The following TPM1 variants were observed in gnomAD, a reference collection of about 807,000 sequenced individuals.
TPM1 encodes the protein tropomyosin alpha-1 chain.
In TPM1, 24 loss-of-function variants were observed where a neutral mutation model predicts 42.9. That is an observed-to-expected ratio of 0.56 (90% CI 0.41 to 0.79). The LOEUF (loss-of-function observed/expected upper bound fraction) is 0.79. Among genes scored for constraint, TPM1 ranks in the 30% least tolerant of loss-of-function variants. The pLI is 0.00. For missense variants in TPM1, 158 were observed against 351.8 expected (o/e 0.45, Z 4.41); for synonymous variants, 136 against 130.1 (o/e 1.05, Z -0.31).
At chr15:63,064,502 A>C in intron 9 of TPM1, 1 of 1,099,788 alleles carries the variant, frequency 9.1e-7, no homozygotes, top group Non-Finnish European at 1.1e-6. Flanking sequence ...AAAATATCAA[A>C]ATTTGTTTCC....
chr15:63,061,539 G>T, intron 5 of TPM1, 174 bp from the exon 6 acceptor site: 1 of 750,464 alleles, frequency 1.3e-6, no homozygotes, highest in African/African-American at 1.7e-5. Flanking sequence ...TTGCGAGGTT[G>T]GGGGGCAGTG....
rs561742682 is a variant in TPM1, at chr15:63,051,889, A to G, written c.241-5096A>G. Among the ~76,000 whole-genome samples, 11 of 123,262 alleles carry G rather than the reference A, an allele frequency of 8.9e-5. No individual in the cohort carries two copies. The South Asian group carries it at 3.1e-3, about 34-fold the overall frequency. The allele number at this position is 123,262 out of a possible 152,430, so 80.9% of individuals were successfully genotyped here. ...TTCATGAAAATCTAGGCCTCATAAA[A>G]GTTGTTTTTTTTTTTTTTTTTCAAA... On this transcript the variant is annotated intron_variant, in intron 2 of 9. Coordinates refer to ENST00000403994, the MANE Select transcript of TPM1 (RefSeq NM_001018005.2).
At chr15:63,060,028 T>C (rs2035398760) in intron 4 of TPM1, 1 of 320,232 alleles carries the variant, frequency 3.1e-6, no homozygotes, top group South Asian at 2.7e-5. Flanking sequence ...AAGTCATTTC[T>C]TCCCAGAGTG....
chr15:63,069,974 C>G (rs568658056), downstream of TPM1: 2 of 1,613,674 alleles, frequency 1.2e-6, no homozygotes, highest in African/African-American at 1.3e-5. Context: ...GGGCTGAATT[C>G]TAGGCGTGGA....
At chr15:63,059,083 C>G (rs1181921591) in intron 3 of TPM1, among the ~76,000 whole-genome samples, 1 of 152,090 alleles carries the variant, frequency 6.6e-6, no homozygotes. Context: ...AACATTAAGT[C>G]TAATATTTTT....
intron 2 of TPM1, among the ~76,000 whole-genome samples, chr15:63,050,009 A>C (rs144772886): frequency 1.3e-5 from 2 of 152,340 alleles, no homozygotes; most frequent in Non-Finnish European, 2.9e-5. Context: ...TCCACTACTT[A>C]CTAGCAGTGG....
At chr15:63,059,343 A>T (rs190141060) in intron 3 of TPM1, among the ~76,000 whole-genome samples, 214 of 152,340 alleles carry the variant, frequency 1.4e-3, no homozygotes, top group Non-Finnish European at 2.5e-3. Flanking sequence ...ATCAGTACTC[A>T]AAGTGAGAGA....
chr15:63,070,223 A>C (rs980791086), downstream of TPM1: 5 of 1,207,090 alleles, frequency 4.1e-6, no homozygotes, highest in African/African-American at 6.3e-5. Flanking sequence ...TGAACTGATA[A>C]ATAATGAGGA....
intron 3 of TPM1, among the ~76,000 whole-genome samples, chr15:63,059,018 G>A (rs2035220182): frequency 6.6e-6 from 1 of 152,170 alleles, no homozygotes; most frequent in Admixed American, 6.5e-5. Context: ...ATTATTACTT[G>A]TCTGAAATGG....
intron 3 of TPM1, among the ~76,000 whole-genome samples, chr15:63,057,791 A>G (rs975718410): frequency 2.0e-5 from 3 of 152,264 alleles, no homozygotes; most frequent in Non-Finnish European, 4.4e-5. Flanking sequence ...TGTGGTCTAA[A>G]AGGCATTTTC....
At chr15:63,062,847 C>T (rs2035835624) in intron 8 of TPM1, 2 of 1,527,350 alleles carry the variant, frequency 1.3e-6, no homozygotes, top group Non-Finnish European at 1.8e-6. Flanking sequence ...TAGTTAGCCA[C>T]CAGCCATAGT....
chr15:63,063,341 G>A, intron 8 of TPM1: 2 of 985,466 alleles, frequency 2.0e-6, no homozygotes, highest in Non-Finnish European at 2.4e-6. Flanking sequence ...TAGTGGAGAA[G>A]AGAGAATGAC....
chr15:63,056,839 T>C, intron 2 of TPM1, 146 bp from the exon 3 acceptor site: 1 of 1,039,942 alleles, frequency 9.6e-7, no homozygotes, highest in Admixed American at 1.7e-5. Context: ...AACTCCAGAG[T>C]TGATGAGGGC....
chr15:63,061,986 T>A (rs1372997702), intron 6 of TPM1, 198 bp downstream of exon 6: 4 of 673,616 alleles, frequency 5.9e-6, no homozygotes, highest in Non-Finnish European at 1.0e-5. Context: ...AGGCATCAAT[T>A]TAATTTAAAC....
At chr15:63,070,031 G>C (rs2141033541), downstream of TPM1, 4 of 1,593,126 alleles carry the variant, frequency 2.5e-6, no homozygotes, top group South Asian at 4.5e-5. Flanking sequence ...AACTAATAGA[G>C]TTGAAAACAG....
chr15:63,048,333 G>A (rs1252701546), intron 2 of TPM1: 2 of 1,081,100 alleles, frequency 1.8e-6, no homozygotes, highest in Non-Finnish European at 2.5e-6. Context: ...CCCCCAGCCA[G>A]TCCCGGGATC....
At chr15:63,070,862 G>A (rs372644159), downstream of TPM1, 11 of 1,324,324 alleles carry the variant, frequency 8.3e-6, no homozygotes, top group African/African-American at 1.2e-4. Context: ...GTTGGTGGAG[G>A]TGCACCTGAC....
intron 9 of TPM1, chr15:63,065,564 T>G: frequency 1.0e-6 from 1 of 985,338 alleles, no homozygotes; most frequent in Non-Finnish European, 1.2e-6. Context: ...AAGGTCTTTT[T>G]CAGTGCTAAA....
In TPM1 at chr15:63,065,951, C is replaced by T; in HGVS notation, c.*52C>T. The T allele has an allele frequency of 1.2e-6, 2 of 1,603,308 alleles. No individual in the cohort carries two copies. The highest frequency in any genetic ancestry group is 2.2e-5 in the East Asian group (1 of 44,670). On this transcript the variant is annotated 3_prime_UTR_variant, in exon 10 of 10. Coordinates refer to ENST00000403994, the MANE Select transcript of TPM1 (RefSeq NM_001018005.2). ...CTCCCTCGTCGAGCTGGATGTCCCA[C>T]CTCTCTGAGCTCTGCATTTGTCTAT...
Sources: gnomAD v4.1 joint callset for allele counts (sites outside exome capture counted in the v4.1 genomes callset) on GRCh38, gnomAD v4.1.1 for gene constraint, MANE v1.5 for transcripts, NCBI Gene and HGNC (gene_info 2026-07-23, HGNC 2026-07-21) for gene names.